The following LRRFIP1 variants were observed in gnomAD, a reference collection of about 807,000 sequenced individuals.
LRRFIP1 encodes the protein leucine-rich repeat flightless-interacting protein 1.
A neutral mutation model predicts 104.4 loss-of-function variants in LRRFIP1; 62 were observed. The ratio of observed to expected loss-of-function variants is 0.59; its 90% CI spans 0.48 to 0.73. The LOEUF (loss-of-function observed/expected upper bound fraction) is 0.73. Among genes scored for constraint, LRRFIP1 ranks in the 30% least tolerant of loss-of-function variants. The pLI, the probability that LRRFIP1 is intolerant of heterozygous loss-of-function variation, is 0.00. For missense variants in LRRFIP1, 796 were observed against 824.5 expected (o/e 0.97, Z 0.42); for synonymous variants, 300 against 299.0 (o/e 1.00, Z -0.03).
At chr2:237,697,434 G>A (rs1342465784) in intron 1 of LRRFIP1, among the ~76,000 whole-genome samples, 1 of 152,158 alleles carries the variant, frequency 6.6e-6, no homozygotes, top group Non-Finnish European at 1.5e-5. Context: ...GCTTATGTCG[G>A]CATACACCTG....
rs1303531208 is a variant in LRRFIP1 at position 237,718,108 on chromosome 2, TCTC to T, written c.249+303_249+305del. 1.2e-4 allele frequency among the ~76,000 whole-genome samples: 19 copies of T among 152,274 alleles called. 1 individual carries two copies. The South Asian group carries it at 2.9e-3, about 23-fold the overall frequency. On this transcript the variant is annotated intron_variant, in intron 4 of 23. Coordinates refer to ENST00000308482, the MANE Select transcript of LRRFIP1 (RefSeq NM_001137550.2). ...GTCTCCACTACCACAGCCGCCCTGA[TCTC>T]CTCGAGCACAGGGCTCTCCACCAGG... is the stretch of plus-strand genomic sequence containing the variant.
intron 1 of LRRFIP1, among the ~76,000 whole-genome samples, chr2:237,685,825 C>G (rs2092326504): frequency 6.6e-6 from 1 of 152,230 alleles, no homozygotes; most frequent in Non-Finnish European, 1.5e-5. Context: ...CATGCAAAGC[C>G]TTTTCCTTGG....
intron 1 of LRRFIP1, among the ~76,000 whole-genome samples, chr2:237,647,766 G>A (rs1220237127): frequency 1.4e-5 from 2 of 144,604 alleles, no homozygotes; most frequent in Admixed American, 6.7e-5. Context: ...CTGTCACCCC[G>A]TGGCCGGCCA....
intron 1 of LRRFIP1, among the ~76,000 whole-genome samples, chr2:237,660,951 C>T (rs546894535): frequency 1.3e-5 from 2 of 152,308 alleles, no homozygotes; most frequent in Non-Finnish European, 2.9e-5. Context: ...CCACTGTCAT[C>T]CTGGGAGAGG....
chr2:237,765,790 G>A (rs2060219899), intron 19 of LRRFIP1: 1 of 964,042 alleles, frequency 1.0e-6, no homozygotes, highest in Non-Finnish European at 1.2e-6. Flanking sequence ...GACATTTTAT[G>A]AAATTATGTG....
chr2:237,700,375 C>T (rs1481978345), intron 1 of LRRFIP1, among the ~76,000 whole-genome samples: 4 of 152,276 alleles, frequency 2.6e-5, no homozygotes, highest in African/African-American at 7.2e-5. Context: ...CTTCAGGCTT[C>T]GGCTGCATCA....
chr2:237,729,899 T>C, intron 8 of LRRFIP1: 1 of 811,860 alleles, frequency 1.2e-6, no homozygotes, highest in Non-Finnish European at 1.5e-6. Context: ...TTTTGTAGCA[T>C]GCAATCTTGT....
Position 237,772,860 on chromosome 2 carries a change from C to T in LRRFIP1, c.1628-6C>T. The stretch of plus-strand genomic sequence containing the variant: ...TAACAGATTTTCCTTCTCTTTCAAC[C>T]TTTAGGGGATGCCAACAGACAGATC... On this transcript the variant is annotated splice_region_variant and splice_polypyrimidine_tract_variant and intron_variant, in intron 21 of 23. Coordinates refer to ENST00000308482, the MANE Select transcript of LRRFIP1 (RefSeq NM_001137550.2). The T allele has an allele frequency of 6.2e-7, 1 of 1,609,338 alleles. No homozygotes were observed. The highest frequency in any genetic ancestry group is 8.5e-7 in the Non-Finnish European group (1 of 1,175,726).
intron 8 of LRRFIP1, among the ~76,000 whole-genome samples, chr2:237,732,362 G>A (rs938895190): frequency 4.6e-5 from 7 of 152,214 alleles, no homozygotes; most frequent in Admixed American, 3.9e-4. Context: ...TGGGCTTGCC[G>A]GTGGTGGCCT....
At chr2:237,752,590 G>A (rs138147364) in intron 14 of LRRFIP1, among the ~76,000 whole-genome samples, 16 of 142,556 alleles carry the variant, frequency 1.1e-4, no homozygotes, top group South Asian at 4.8e-4. Flanking sequence ...GCATGTATGC[G>A]CCCTGAAGGT....
At chr2:237,670,258 G>A (rs1318329859) in intron 1 of LRRFIP1, among the ~76,000 whole-genome samples, 3 of 152,198 alleles carry the variant, frequency 2.0e-5, no homozygotes, top group Non-Finnish European at 2.9e-5. Context: ...CCGACACCTC[G>A]GTGTGTCCCT....
Position 237,678,546 on chromosome 2 carries a change from C to T in LRRFIP1, c.97-29998C>T, listed in dbSNP as rs150302143. On this transcript the variant is annotated intron_variant, in intron 1 of 23. Coordinates refer to ENST00000308482, the MANE Select transcript of LRRFIP1 (RefSeq NM_001137550.2). ...TTTGAGACAGAGTCTCACTCTGTCACCCAGGCTGGAATGCAGTGGAGTGAG... is the reference window on the plus strand; with the variant it reads ...TTTGAGACAGAGTCTCACTCTGTCATCCAGGCTGGAATGCAGTGGAGTGAG... 4.6e-3 allele frequency among the ~76,000 whole-genome samples: 704 copies of T among 152,160 alleles called. 3 individuals are homozygous for T. Among genetic ancestry groups the T allele is most frequent in the Non-Finnish European group, 6.5e-3 (441 of 68,000 alleles).
chr2:237,640,660 C>T (rs1207101935), intron 1 of LRRFIP1, among the ~76,000 whole-genome samples: 2 of 152,120 alleles, frequency 1.3e-5, no homozygotes, highest in East Asian at 1.9e-4. Flanking sequence ...AGCACATTGC[C>T]GAACTTCTTA....
chr2:237,743,988 A>G (rs2057468925), intron 11 of LRRFIP1, among the ~76,000 whole-genome samples: 1 of 152,188 alleles, frequency 6.6e-6, no homozygotes, highest in African/African-American at 2.4e-5. Flanking sequence ...GTACTCAGAG[A>G]AGACAGGAGC....
At chr2:237,655,556 T>C (rs2086678382) in intron 1 of LRRFIP1, among the ~76,000 whole-genome samples, 1 of 152,224 alleles carries the variant, frequency 6.6e-6, no homozygotes. Flanking sequence ...CCTGTTGCTG[T>C]GAAAGTTAGC....
In LRRFIP1 at chr2:237,735,498, A is replaced by C; in HGVS notation, c.555+165A>C. ...TCCATTGTAATGAAGGTCACAAATA[A>C]TGTGAATCAGGAAACCTCTGGTTGT... On this transcript the variant is annotated intron_variant, in intron 10 of 23. Coordinates refer to ENST00000308482, the MANE Select transcript of LRRFIP1 (RefSeq NM_001137550.2). The surrounding 1 kb of genome is among the most constrained non-coding windows in gnomAD (Gnocchi z 4.6). The C allele has an allele frequency of 3.4e-6, 2 of 594,612 alleles. No homozygotes were observed. The highest frequency in any genetic ancestry group is 5.8e-6 in the Non-Finnish European group (2 of 347,416). The allele number at this position is 594,612 out of a possible 1,614,324, so 36.8% of individuals were successfully genotyped here.
chr2:237,698,058 G>A (rs2093307271), intron 1 of LRRFIP1, among the ~76,000 whole-genome samples: 1 of 152,210 alleles, frequency 6.6e-6, no homozygotes, highest in African/African-American at 2.4e-5. Flanking sequence ...AGGTCAATGT[G>A]TGAGTCATCA....
At chr2:237,724,422 C>T (rs1450549208) in intron 7 of LRRFIP1, among the ~76,000 whole-genome samples, 1 of 152,212 alleles carries the variant, frequency 6.6e-6, no homozygotes, top group Middle Eastern at 3.2e-3. Context: ...TAGTAGCATA[C>T]ATCTGCATAG....
chr2:237,692,483 C>CG, intron 1 of LRRFIP1: 2 of 1,533,314 alleles, frequency 1.3e-6, no homozygotes, highest in Non-Finnish European at 1.8e-6. Context: ...CGCTCAAAGC[C>CG]GGGAGATCGA....
Sources: allele counts gnomAD v4.1 joint callset (sites outside exome capture counted in the v4.1 genomes callset), GRCh38; gene constraint gnomAD v4.1.1; non-coding constraint Gnocchi (gnomAD v3.1); transcripts MANE v1.5; gene names NCBI Gene and HGNC (gene_info 2026-07-23, HGNC 2026-07-21).